The following FAIM variants were observed in gnomAD, a reference collection of about 807,000 sequenced individuals.
FAIM encodes the protein fas apoptotic inhibitory molecule 1.
A neutral mutation model predicts 21.2 loss-of-function variants in FAIM; 14 were observed. That is an observed-to-expected ratio of 0.66 (90% CI 0.44 to 1.03). The LOEUF (loss-of-function observed/expected upper bound fraction) is 1.03. FAIM is among the 50% of genes least tolerant of loss of function. FAIM has a pLI of 0.00. For synonymous variants in FAIM, 86 were observed against 80.4 expected, an observed-to-expected ratio of 1.07 and a Z score of -0.37; for missense variants, 222 against 247.1, an observed-to-expected ratio of 0.90 and a Z score of 0.68.
intron 2 of FAIM, among the ~76,000 whole-genome samples, chr3:138,620,043 T>C (rs1183301698): frequency 6.6e-6 from 1 of 152,182 alleles, no homozygotes; most frequent in African/African-American, 2.4e-5. Context: ...CAAAATGATA[T>C]AAAATCCATT....
rs139730043 is a variant in FAIM, at chr3:138,618,360, A to G, written c.-16-1351A>G. 3.0e-4 allele frequency among the ~76,000 whole-genome samples: 45 copies of G among 152,056 alleles called. No homozygotes were observed. In the East Asian group the frequency reaches 7.7e-3, roughly 26 times the overall value. On this transcript the variant is annotated intron_variant, in intron 1 of 5. Coordinates refer to ENST00000360570, the MANE Select transcript of FAIM (RefSeq NM_001033031.2). ...CCGTTGGATTGCTTTTATGAGTGCTAATTTCTTCTTTAATATCTTTTTGGC... is the reference window on the plus strand; with the variant it reads ...CCGTTGGATTGCTTTTATGAGTGCTGATTTCTTCTTTAATATCTTTTTGGC...
chr3:138,622,071 C>T (rs569739226), intron 3 of FAIM, 117 bp from the exon 4 acceptor site: 1 of 875,238 alleles, frequency 1.1e-6, no homozygotes, highest in Admixed American at 2.9e-5. Context: ...TGAGCCACCA[C>T]TCCCGGCAAT....
chr3:138,617,148 G>A (rs2042833495), intron 1 of FAIM, among the ~76,000 whole-genome samples: 1 of 151,690 alleles, frequency 6.6e-6, no homozygotes, highest in Non-Finnish European at 1.5e-5. Flanking sequence ...CCATGAAAAG[G>A]TATTATAATT....
chr3:138,632,414 G>A (rs1235020412), intron 5 of FAIM, among the ~76,000 whole-genome samples: 1 of 151,990 alleles, frequency 6.6e-6, no homozygotes, highest in Admixed American at 6.6e-5. Flanking sequence ...TGTGGCCAGT[G>A]GCTACTGTAT....
intron 5 of FAIM, among the ~76,000 whole-genome samples, chr3:138,631,941 G>A (rs1051598269): frequency 3.3e-5 from 5 of 152,040 alleles, no homozygotes; most frequent in African/African-American, 1.2e-4. Context: ...CTTTGGCTTG[G>A]TTTGTTAACT....
At chr3:138,622,983 T>C (rs1430128162) in intron 4 of FAIM, among the ~76,000 whole-genome samples, 4 of 148,536 alleles carry the variant, frequency 2.7e-5, no homozygotes, top group Non-Finnish European at 4.4e-5. Context: ...GAGATTGCAA[T>C]GAGCCGAGAT....
intron 1 of FAIM, among the ~76,000 whole-genome samples, chr3:138,617,976 A>G (rs1371861118): frequency 6.8e-6 from 1 of 147,402 alleles, no homozygotes; most frequent in Non-Finnish European, 1.5e-5. Flanking sequence ...TATAGTATAT[A>G]TATAGATACC....
chr3:138,609,402 G>A (rs2108326953), intron 1 of FAIM, among the ~76,000 whole-genome samples: 1 of 152,244 alleles, frequency 6.6e-6, no homozygotes, highest in African/African-American at 2.4e-5. Context: ...AAGGAAGCAA[G>A]CAAAGCAGCC....
At chr3:138,621,017 GAAAT>G (rs2042878960) in intron 2 of FAIM, among the ~76,000 whole-genome samples, 1 of 152,146 alleles carries the variant, frequency 6.6e-6, no homozygotes, top group Admixed American at 6.6e-5. Context: ...CTGAAAAAGA[GAAAT>G]AAAATTAATT....
At chr3:138,619,937 G>T (rs146881980) in intron 2 of FAIM, among the ~76,000 whole-genome samples, 167 bp downstream of exon 2, 1 of 152,226 alleles carries the variant, frequency 6.6e-6, no homozygotes. Context: ...AATACCTGGC[G>T]TGGAGGTAGC....
At chr3:138,609,569 T>TCC (rs2042738402) in intron 1 of FAIM, among the ~76,000 whole-genome samples, 6 of 92,124 alleles carry the variant, frequency 6.5e-5, no homozygotes, top group African/African-American at 2.5e-4. Flanking sequence ...TCTCTCTCTC[T>TCC]CTCTCTCGAC....
At chr3:138,612,352 C>T (rs1325848507) in intron 1 of FAIM, among the ~76,000 whole-genome samples, 4 of 152,086 alleles carry the variant, frequency 2.6e-5, no homozygotes, top group East Asian at 1.9e-4. Flanking sequence ...CCGCCCGCCT[C>T]GGCCTCCCAA....
chr3:138,630,472 T>C (rs138061663), intron 5 of FAIM: 1 of 152,282 alleles, frequency 6.6e-6, no homozygotes, highest in East Asian at 1.9e-4. Context: ...AATCAATCAA[T>C]TGAAATTTAA....
At chr3:138,628,516 T>C (rs1040794759) in intron 4 of FAIM, among the ~76,000 whole-genome samples, 1 of 151,774 alleles carries the variant, frequency 6.6e-6, no homozygotes, top group Non-Finnish European at 1.5e-5. Context: ...ATGGAGTCTT[T>C]CTCTGTTGCC....
intron 4 of FAIM, 21 bp from the exon 5 acceptor site, chr3:138,629,086 G>C: frequency 6.4e-7 from 1 of 1,574,714 alleles, no homozygotes; most frequent in Non-Finnish European, 8.7e-7. Context: ...ATAACTTAAA[G>C]TTTTTATGTT....
At chr3:138,610,658 C>A (rs1265443518) in intron 1 of FAIM, 1 of 246,932 alleles carries the variant, frequency 4.0e-6, no homozygotes, top group African/African-American at 2.2e-5. Flanking sequence ...TCTCGGCTCA[C>A]TGCAACCTCC....
At position 138,629,051 on chromosome 3, in the gene FAIM, A is replaced by G; in HGVS notation, c.407-56A>G. 5 of 1,362,772 alleles carry G rather than the reference A, an allele frequency of 3.7e-6. No individual in the cohort carries two copies. The South Asian group carries it at 3.7e-5, about 10-fold the overall frequency. The allele number at this position is 1,362,772 out of a possible 1,614,324, so 84.4% of individuals were successfully genotyped here. ...CCTAAAGTAATAAATAGGAAAAGTTAACTTTATCTTTAAATCACAGAATTA... is the reference window on the plus strand; with the variant it reads ...CCTAAAGTAATAAATAGGAAAAGTTGACTTTATCTTTAAATCACAGAATTA... On this transcript the variant is annotated intron_variant, in intron 4 of 5. Transcript: ENST00000360570.
At chr3:138,627,327 G>A (rs957536549) in intron 4 of FAIM, among the ~76,000 whole-genome samples, 6 of 151,040 alleles carry the variant, frequency 4.0e-5, no homozygotes, top group South Asian at 2.1e-4. Context: ...GATTACAGGC[G>A]CCCGCCACTA....
chr3:138,611,792 T>C (rs1242821767), intron 1 of FAIM, among the ~76,000 whole-genome samples: 1 of 152,218 alleles, frequency 6.6e-6, no homozygotes, highest in Non-Finnish European at 1.5e-5. Context: ...TCACATGCTC[T>C]CTACACAGCC....
Sources: gnomAD v4.1 joint callset for allele counts (sites outside exome capture counted in the v4.1 genomes callset) on GRCh38, gnomAD v4.1.1 for gene constraint, MANE v1.5 for transcripts, NCBI Gene and HGNC (gene_info 2026-07-23, HGNC 2026-07-21) for gene names.